Variants in AKAP6 observed in about 807,000 individuals in gnomAD.
The protein encoded by AKAP6 is A-kinase anchor protein 6.
Under a neutral mutation model 188.5 loss-of-function variants are expected in AKAP6, and 58 were observed. The observed-to-expected ratio is 0.31, with a 90% CI of 0.25 to 0.38. AKAP6 has a LOEUF of 0.38. Ranked by LOEUF, AKAP6 falls within the 10% of genes least tolerant of loss-of-function variation. The probability of loss-of-function intolerance (pLI) is 1.00; values close to 1 mark genes in which losing one functional copy is unlikely to be tolerated. For missense variants in AKAP6, 2,710 were observed against 2,740.0 expected, an observed-to-expected ratio of 0.99 and a Z score of 0.24; for synonymous variants, 989 against 998.6, an observed-to-expected ratio of 0.99 and a Z score of 0.18.
chr14:32,423,310 C>T (rs115725706), intron 1 of AKAP6, among the ~76,000 whole-genome samples: 2,234 of 152,156 alleles, frequency 0.015, 63 homozygotes, highest in African/African-American at 0.05. Context: ...TCTGGGACTA[C>T]GGGTACATGC....
At chr14:32,522,763 G>A (rs139573033) in intron 2 of AKAP6, among the ~76,000 whole-genome samples, 2,842 of 152,224 alleles carry the variant, frequency 0.019, 66 homozygotes, top group African/African-American at 0.053. Context: ...TAGTTCAACC[G>A]TTGTGGAAGA....
At chr14:32,532,308 G>A (rs1882456306) in intron 2 of AKAP6, among the ~76,000 whole-genome samples, 1 of 152,152 alleles carries the variant, frequency 6.6e-6, no homozygotes, top group African/African-American at 2.4e-5. Flanking sequence ...AGCACTTATG[G>A]GAAGGGTGTT....
chr14:32,409,318 C>G (rs1359654633), intron 1 of AKAP6, among the ~76,000 whole-genome samples: 1 of 152,150 alleles, frequency 6.6e-6, no homozygotes, highest in African/African-American at 2.4e-5. Flanking sequence ...TAGATACAGG[C>G]TTAGACATAT....
intron 2 of AKAP6, among the ~76,000 whole-genome samples, chr14:32,483,672 C>T (rs999649844): frequency 2.6e-5 from 4 of 151,762 alleles, no homozygotes; most frequent in African/African-American, 9.7e-5. Context: ...TTAGTGGAGA[C>T]GGGGTTTCTC....
At chr14:32,703,474 A>G (rs961449812) in intron 9 of AKAP6, among the ~76,000 whole-genome samples, 4 of 152,180 alleles carry the variant, frequency 2.6e-5, no homozygotes, top group African/African-American at 9.7e-5. Context: ...CATACTATTA[A>G]TAACAACCTT....
intron 7 of AKAP6, among the ~76,000 whole-genome samples, chr14:32,607,992 A>G (rs1351472663): frequency 6.6e-6 from 1 of 152,178 alleles, no homozygotes; most frequent in African/African-American, 2.4e-5. Flanking sequence ...TTTGAAGATC[A>G]GTGTGGTTAC....
At chr14:32,579,318 A>G (rs1884864057) in intron 5 of AKAP6, among the ~76,000 whole-genome samples, 2 of 152,304 alleles carry the variant, frequency 1.3e-5, no homozygotes, top group African/African-American at 4.8e-5. Context: ...TTCTTAAAGA[A>G]TAGTCTTGTT....
In AKAP6 at chr14:32,488,431, G is replaced by C. The variant is rs1879818934; in HGVS notation, c.325-47123G>C. Among the ~76,000 whole-genome samples, 3 of 152,340 alleles carry C rather than the reference G, an allele frequency of 2.0e-5. No individual in the cohort carries two copies. In the South Asian group the frequency reaches 6.2e-4, roughly 32 times the overall value. On this transcript the variant is annotated intron_variant, in intron 2 of 13. Transcript: ENST00000280979. ...GATTTCAGACTGCTGTGCTGGCAGA[G>C]AGAATTTCAAGCCAGTGGATCTTAG...
At chr14:32,413,039 T>C (rs920763471) in intron 1 of AKAP6, among the ~76,000 whole-genome samples, 1 of 152,136 alleles carries the variant, frequency 6.6e-6, no homozygotes, top group African/African-American at 2.4e-5. Context: ...CAGAGGTCCT[T>C]AAGAGTGGAG....
intron 2 of AKAP6, among the ~76,000 whole-genome samples, chr14:32,486,013 T>A (rs978482751): frequency 3.3e-5 from 5 of 152,120 alleles, no homozygotes; most frequent in Non-Finnish European, 5.9e-5. Context: ...AAGGAAGGGG[T>A]CTAGTTTCAG....
chr14:32,463,943 C>T (rs954179556), intron 2 of AKAP6, among the ~76,000 whole-genome samples: 2 of 152,118 alleles, frequency 1.3e-5, no homozygotes, highest in Admixed American at 6.5e-5. Context: ...ATACAAACTA[C>T]CATCAGAGAA....
Position 32,600,673 on chromosome 14 carries a change from C to T in AKAP6, c.2611C>T (p.Leu871=), listed in dbSNP as rs751593008. The change falls in exon 7 of 14, where the codon CTG becomes TTG. Residue 871 remains leucine (L), a synonymous_variant. Coordinates refer to ENST00000280979, the MANE Select transcript of AKAP6 (RefSeq NM_004274.5). ...LRMIASQWKE[L]QRQIKRQHSW... Reference sequence around the variant, plus strand: ...GATGATTGCAAGTCAATGGAAGGAGCTGCAGAGGCAAATCAAACGGCAGCA... The same window carrying T: ...GATGATTGCAAGTCAATGGAAGGAGTTGCAGAGGCAAATCAAACGGCAGCA... 13 of 1,613,432 alleles carry T rather than the reference C, an allele frequency of 8.1e-6. No individual in the cohort carries two copies. In the Admixed American group the frequency reaches 1.3e-4, roughly 17 times the overall value.
At chr14:32,634,064 C>T (rs1445993594) in intron 7 of AKAP6, among the ~76,000 whole-genome samples, 1 of 151,998 alleles carries the variant, frequency 6.6e-6, no homozygotes, top group Non-Finnish European at 1.5e-5. Flanking sequence ...CTCATTGTCT[C>T]ACAATCTCTA....
intron 2 of AKAP6, among the ~76,000 whole-genome samples, chr14:32,454,686 T>C: frequency 2.7e-5 from 1 of 37,556 alleles, no homozygotes; most frequent in African/African-American, 1.1e-4. Flanking sequence ...CTTCCCTCCT[T>C]CCCTCCCTCC....
intron 7 of AKAP6, among the ~76,000 whole-genome samples, chr14:32,644,623 G>A (rs1887907290): frequency 6.6e-6 from 1 of 152,008 alleles, no homozygotes; most frequent in African/African-American, 2.4e-5. Context: ...ACAAGGCCGT[G>A]GATGGCTTTA....
chr14:32,792,146 A>G (rs2033630938), intron 12 of AKAP6, among the ~76,000 whole-genome samples: 1 of 152,142 alleles, frequency 6.6e-6, no homozygotes, highest in African/African-American at 2.4e-5. Context: ...AGTTTTTTCT[A>G]GTTCTGTGAA....
chr14:32,365,813 C>T (rs75356091), intron 1 of AKAP6, among the ~76,000 whole-genome samples: 33 of 152,254 alleles, frequency 2.2e-4, no homozygotes, highest in African/African-American at 7.2e-4. Context: ...TTTTGATCAT[C>T]GAGTGAGAAC....
At position 32,362,318 on chromosome 14, in the gene AKAP6, A is replaced by G. The variant is rs114433569; in HGVS notation, c.-35+32910A>G. Reference sequence around the variant, plus strand: ...GTTACAAAGATAAACAAAGTATATCATGGGTACCAGTAAGTTTACAGTACT... The same window carrying G: ...GTTACAAAGATAAACAAAGTATATCGTGGGTACCAGTAAGTTTACAGTACT... On this transcript the variant is annotated intron_variant, in intron 1 of 13. Transcript: ENST00000280979. 3.9e-3 allele frequency among the ~76,000 whole-genome samples: 592 copies of G among 152,348 alleles called. 1 individual carries two copies. The highest frequency in any genetic ancestry group is 0.013 in the African/African-American group (560 of 41,586).
At chr14:32,492,179 C>A (rs1458693322) in intron 2 of AKAP6, among the ~76,000 whole-genome samples, 1 of 151,794 alleles carries the variant, frequency 6.6e-6, no homozygotes, top group East Asian at 1.9e-4. Context: ...CTCCCATTGC[C>A]CATGTCTGGC....
Sources: allele counts gnomAD v4.1 joint callset (sites outside exome capture counted in the v4.1 genomes callset), GRCh38; gene constraint gnomAD v4.1.1; transcripts MANE v1.5; gene names NCBI Gene and HGNC (gene_info 2026-07-23, HGNC 2026-07-21).